The following SLCO3A1 variants were observed in gnomAD, a reference collection of about 807,000 sequenced individuals.
SLCO3A1 encodes the protein PGE1 transporter.
SLCO3A1 carries 27 observed loss-of-function variants against 63.1 expected under a neutral mutation model. The ratio of observed to expected loss-of-function variants is 0.43; its 90% confidence interval spans 0.32 to 0.59. The LOEUF (loss-of-function observed/expected upper bound fraction) is 0.59. SLCO3A1 is among the 20% of genes least tolerant of loss of function. SLCO3A1 has a pLI of 0.09. For synonymous variants in SLCO3A1, 473 were observed against 409.9 expected, an observed-to-expected ratio of 1.15 and a Z score of -1.86; for missense variants, 773 against 945.8, an observed-to-expected ratio of 0.82 and a Z score of 2.40.
At chr15:91,884,325 A>G (rs1897668852) in intron 1 of SLCO3A1, among the ~76,000 whole-genome samples, 1 of 152,166 alleles carries the variant, frequency 6.6e-6, no homozygotes, top group South Asian at 2.1e-4. Context: ...ACTGGCCAAC[A>G]TGGGGAAACA....
chr15:91,955,085 T>C (rs1328645134), intron 2 of SLCO3A1, among the ~76,000 whole-genome samples: 2 of 152,160 alleles, frequency 1.3e-5, no homozygotes, highest in East Asian at 1.9e-4. Flanking sequence ...ATCCTCACAC[T>C]GTGAGCCACT....
chr15:92,149,838 G>A (rs2048280699), intron 8 of SLCO3A1: 1 of 152,204 alleles, frequency 6.6e-6, no homozygotes, highest in Admixed American at 6.5e-5. Context: ...ATACCAGTGT[G>A]CTTTCTTGAT....
At chr15:92,049,015 AG>A (rs1472731309) in intron 2 of SLCO3A1, among the ~76,000 whole-genome samples, 1 of 152,226 alleles carries the variant, frequency 6.6e-6, no homozygotes, top group African/African-American at 2.4e-5. Flanking sequence ...AAGCCTGGAG[AG>A]GTTATATGTG....
At position 91,872,388 on chromosome 15, in the gene SLCO3A1, C is replaced by T. The variant is rs575769982; in HGVS notation, c.180+18300C>T. ...TCTACTAAAAATACAAAAAAATAGC[C>T]GGGCATGGTGGCAGTTGCCTGTAAT... On this transcript the variant is annotated intron_variant, in intron 1 of 9. Coordinates refer to ENST00000318445, the MANE Select transcript of SLCO3A1 (RefSeq NM_013272.4). The surrounding 1 kb of genome is among the most constrained non-coding windows in gnomAD (Gnocchi z 4.1). 1.6e-4 allele frequency among the ~76,000 whole-genome samples: 24 copies of T among 152,080 alleles called. No individual in the cohort carries two copies. The highest frequency in any genetic ancestry group is 1.1e-3 in the Admixed American group (17 of 15,272).
chr15:92,011,622 T>A (rs1030170118), intron 2 of SLCO3A1, among the ~76,000 whole-genome samples: 12 of 152,236 alleles, frequency 7.9e-5, no homozygotes, highest in Admixed American at 2.6e-4. Context: ...CCTTGCTTTT[T>A]AACCCCCTTG....
intron 4 of SLCO3A1, among the ~76,000 whole-genome samples, chr15:92,108,324 C>G (rs1423477235): frequency 6.6e-6 from 1 of 152,214 alleles, no homozygotes; most frequent in African/African-American, 2.4e-5. Flanking sequence ...CCTTTAAGAC[C>G]TGGCTCTGGC....
In SLCO3A1 at chr15:92,165,409, G is replaced by A. The variant is rs1211223234; in HGVS notation, c.*2274G>A. ...AGTTTTGCAAATATATTGCTAATAG[G>A]TCACTCTTATAGATTATTGCTTGGC... On this transcript the variant is annotated 3_prime_UTR_variant, in exon 10 of 10. Coordinates refer to ENST00000318445, the MANE Select transcript of SLCO3A1 (RefSeq NM_013272.4). 4 of 985,038 alleles carry A rather than the reference G, an allele frequency of 4.1e-6. No homozygotes were observed. The highest frequency in any genetic ancestry group is 6.2e-5 in the Admixed American group (1 of 16,254). The allele number at this position is 985,038 out of a possible 1,614,324, so 61.0% of individuals were successfully genotyped here.
Position 92,163,846 on chromosome 15 carries a change from G to A in SLCO3A1, c.*711G>A. The A allele has an allele frequency of 1.0e-6, 1 of 985,544 alleles. No individual in the cohort carries two copies. Among genetic ancestry groups the A allele is most frequent in the Non-Finnish European group, 1.2e-6 (1 of 830,098 alleles). 61.0% of individuals were successfully genotyped at this position (985,544 alleles called of 1,614,324 possible). ...TCCATTTCCATGTTCAAGACTGAGG[G>A]CCTGAGGGGGAGCCAGGTGGGGGGC... is the stretch of plus-strand genomic sequence containing the variant. On this transcript the variant is annotated 3_prime_UTR_variant, in exon 10 of 10. Transcript: ENST00000318445.
intron 2 of SLCO3A1, among the ~76,000 whole-genome samples, chr15:91,992,559 AG>A (rs1033390444): frequency 1.3e-5 from 2 of 152,214 alleles, no homozygotes; most frequent in African/African-American, 4.8e-5. Flanking sequence ...CCCCGTAGTA[AG>A]ATGTCAACCA....
At chr15:91,925,947 T>C (rs4369635) in intron 2 of SLCO3A1, among the ~76,000 whole-genome samples, 3,527 of 152,280 alleles carry the variant, frequency 0.023, 136 homozygotes, top group African/African-American at 0.081. Context: ...TCATCAGGCT[T>C]GAGTGCCTGT....
intron 2 of SLCO3A1, among the ~76,000 whole-genome samples, chr15:91,965,721 GGTGTGTGTGTGT>G (rs35543509): frequency 0.059 from 8,704 of 147,622 alleles, 354 homozygotes; most frequent in Non-Finnish European, 0.088. Context: ...CAGCCAGCAG[GGTGTGTGTGTGT>G]GTGTGTGTGT....
chr15:92,010,530 T>C (rs1384901945), intron 2 of SLCO3A1, among the ~76,000 whole-genome samples: 4 of 152,210 alleles, frequency 2.6e-5, no homozygotes, highest in African/African-American at 7.2e-5. Flanking sequence ...TAGTATATAA[T>C]AATAAATCCT....
intron 2 of SLCO3A1, among the ~76,000 whole-genome samples, chr15:91,955,657 T>C (rs1900148001): frequency 6.6e-6 from 1 of 152,250 alleles, no homozygotes; most frequent in South Asian, 2.1e-4. Flanking sequence ...TCTTTCCAGC[T>C]GTGGACCATG....
intron 2 of SLCO3A1, among the ~76,000 whole-genome samples, chr15:92,061,547 G>T (rs1295629722): frequency 6.6e-6 from 1 of 152,186 alleles, no homozygotes; most frequent in Non-Finnish European, 1.5e-5. Context: ...CCTCTTACTG[G>T]GATTAGCTAT....
At chr15:92,006,489 T>C (rs1229957499) in intron 2 of SLCO3A1, among the ~76,000 whole-genome samples, 5 of 152,158 alleles carry the variant, frequency 3.3e-5, no homozygotes, top group Non-Finnish European at 7.3e-5. Flanking sequence ...TCTGTGAGTC[T>C]TTTTCCCACA....
chr15:92,145,127 A>G (rs796999082), intron 7 of SLCO3A1, among the ~76,000 whole-genome samples: 6 of 152,290 alleles, frequency 3.9e-5, no homozygotes, highest in South Asian at 2.1e-4. Flanking sequence ...CGGGGAGAGA[A>G]AAATGCATGG....
intron 5 of SLCO3A1, among the ~76,000 whole-genome samples, chr15:92,121,425 G>C (rs1378540883): frequency 6.6e-6 from 1 of 152,198 alleles, no homozygotes; most frequent in Admixed American, 6.5e-5. Flanking sequence ...CTGGCTTGGA[G>C]AGCTTGTGGT....
intron 2 of SLCO3A1, among the ~76,000 whole-genome samples, chr15:91,957,610 C>T (rs1900287361): frequency 6.6e-6 from 1 of 152,130 alleles, no homozygotes; most frequent in African/African-American, 2.4e-5. Flanking sequence ...CCCCAGATAT[C>T]CTCCTGGCTC....
At position 91,930,984 on chromosome 15, in the gene SLCO3A1, C is replaced by T. The variant is rs554140225; in HGVS notation, c.646+14526C>T. Among the ~76,000 whole-genome samples the T allele has an allele frequency of 1.1e-4, 17 of 152,316 alleles. No individual in the cohort carries two copies. The East Asian group carries it at 3.1e-3, about 28-fold the overall frequency. On this transcript the variant is annotated intron_variant, in intron 2 of 9. Transcript: ENST00000318445. Reference sequence around the variant, plus strand: ...CCAGCGAGTGTCATGCAAAAGCCAACAGTTTGAAACAGGAAGGGCAAAATG... The same window carrying T: ...CCAGCGAGTGTCATGCAAAAGCCAATAGTTTGAAACAGGAAGGGCAAAATG...
Sources: gnomAD v4.1 joint callset for allele counts (sites outside exome capture counted in the v4.1 genomes callset) on GRCh38, gnomAD v4.1.1 for gene constraint, Gnocchi (gnomAD v3.1) non-coding constraint, MANE v1.5 for transcripts, NCBI Gene and HGNC (gene_info 2026-07-23, HGNC 2026-07-21) for gene names.